The following PCDHGA10 variants were observed in gnomAD, a reference collection of about 807,000 sequenced individuals.
PCDHGA10 encodes protocadherin gamma-A10.
Under a neutral mutation model 59.5 loss-of-function variants are expected in PCDHGA10, and 42 were observed. The observed-to-expected ratio is 0.71, with a 90% confidence interval of 0.55 to 0.91. The LOEUF is 0.91. Among genes scored for constraint, PCDHGA10 ranks in the 40% least tolerant of loss-of-function variants. The probability of loss-of-function intolerance (pLI) is 0.00; values close to 1 mark genes in which losing one functional copy is unlikely to be tolerated. For synonymous variants in PCDHGA10, 511 were observed against 517.2 expected (o/e 0.99, Z 0.16); for missense variants, 1,111 against 1,198.2 (o/e 0.93, Z 1.07).
chr5:141,456,026 T>A (rs2098840894), intron 1 of PCDHGA10, among the ~76,000 whole-genome samples: 1 of 151,690 alleles, frequency 6.6e-6, no homozygotes, highest in African/African-American at 2.4e-5. Context: ...GCCTCCCGAG[T>A]AGCTGGGACT....
At position 141,413,625 on chromosome 5, in the gene PCDHGA10, C is replaced by A. The variant is rs372855865; in HGVS notation, c.450C>A (p.Val150=). ...TAGACGTAAAAATTAATGAAAATGTCGCTGCGGGAATGCGTTTTCCTCTCC... is the reference window on the plus strand; with the variant it reads ...TAGACGTAAAAATTAATGAAAATGTAGCTGCGGGAATGCGTTTTCCTCTCC... The part of the protein sequence containing the change: ...ENLDVKINEN[V]AAGMRFPLPE... The change falls in exon 1 of 4, where the codon GTC becomes GTA. Residue 150 remains valine (V), a synonymous_variant. Transcript: ENST00000398610. 1.4e-5 allele frequency: 22 copies of A among 1,613,734 alleles called. No homozygotes were observed. Among genetic ancestry groups the A allele is most frequent in the Non-Finnish European group, 1.9e-5 (22 of 1,179,886 alleles).
chr5:141,444,594 T>C (rs2098442338), intron 1 of PCDHGA10, among the ~76,000 whole-genome samples: 1 of 152,244 alleles, frequency 6.6e-6, no homozygotes, highest in South Asian at 2.1e-4. Flanking sequence ...ACTTACCTTA[T>C]TTAAAATTGA....
At chr5:141,458,130 C>A (rs1441742986) in intron 1 of PCDHGA10, among the ~76,000 whole-genome samples, 2 of 152,248 alleles carry the variant, frequency 1.3e-5, no homozygotes, top group African/African-American at 4.8e-5. Flanking sequence ...AGGAACCAGG[C>A]AGAGAAAAAT....
chr5:141,491,479 C>T lies in PCDHGA10; in HGVS notation c.2437-3328C>T. On this transcript the variant is annotated intron_variant, in intron 1 of 3. Transcript: ENST00000398610. The surrounding 1 kb of genome is among the most constrained non-coding windows in gnomAD (Gnocchi z 6.9). ...CCCGGACTTCTATAAGCAGTCCAGCCCCAACCTGCAGGTGAGCTCGGACGG... is the reference window on the plus strand; with the variant it reads ...CCCGGACTTCTATAAGCAGTCCAGCTCCAACCTGCAGGTGAGCTCGGACGG... 1 of 1,614,144 alleles carries T rather than the reference C, an allele frequency of 6.2e-7. No homozygotes were observed. Among genetic ancestry groups the T allele is most frequent in the Non-Finnish European group, 8.5e-7 (1 of 1,180,024 alleles).
chr5:141,421,307 T>C, intron 1 of PCDHGA10: 10 of 1,613,674 alleles, frequency 6.2e-6, no homozygotes, highest in Non-Finnish European at 8.5e-6. Context: ...CTGCGGGGGT[T>C]CCGGGCCAGG....
At chr5:141,427,896 C>T in intron 1 of PCDHGA10, 2 of 1,570,508 alleles carry the variant, frequency 1.3e-6, no homozygotes, top group Non-Finnish European at 1.7e-6. Context: ...CCAGGGCTCG[C>T]CCGCGCTCAG....
In PCDHGA10 at chr5:141,487,414, T is replaced by C; in HGVS notation, c.2437-7393T>C. On this transcript the variant is annotated intron_variant, in intron 1 of 3. Coordinates refer to ENST00000398610, the MANE Select transcript of PCDHGA10 (RefSeq NM_018913.3). This position sits in a 1 kb window ranked among gnomAD's most constrained non-coding sequence, Gnocchi z 5.0. The stretch of plus-strand genomic sequence containing the variant: ...GGAGGGAGGGGCTTCCCCCTTCCAA[T>C]GGGATCCTCCGAATCCAGCTAGGGT... 3.7e-6 allele frequency: 6 copies of C among 1,614,174 alleles called. No individual in the cohort carries two copies. The highest frequency in any genetic ancestry group is 5.1e-6 in the Non-Finnish European group (6 of 1,180,006).
intron 1 of PCDHGA10, chr5:141,426,874 C>T: frequency 2.2e-6 from 1 of 456,654 alleles, no homozygotes; most frequent in Non-Finnish European, 4.4e-6. Context: ...CTGGAGAAGC[C>T]CCTGGGCCAG....
intron 1 of PCDHGA10, among the ~76,000 whole-genome samples, chr5:141,451,062 T>C (rs1292296274): frequency 1.3e-5 from 2 of 151,500 alleles, no homozygotes; most frequent in Non-Finnish European, 2.9e-5. Flanking sequence ...ACTCCTGACC[T>C]TGTGATCCAC....
Position 141,487,650 on chromosome 5 carries a change from G to T in PCDHGA10, c.2437-7157G>T, listed in dbSNP as rs772715932. The T allele has an allele frequency of 6.8e-6, 11 of 1,613,876 alleles. No individual in the cohort carries two copies. Among genetic ancestry groups the T allele is most frequent in the Admixed American group, 1.7e-5 (1 of 59,978 alleles). On this transcript the variant is annotated intron_variant, in intron 1 of 3. Coordinates refer to ENST00000398610, the MANE Select transcript of PCDHGA10 (RefSeq NM_018913.3). This position sits in a 1 kb window ranked among gnomAD's most constrained non-coding sequence, Gnocchi z 5.0. ...TTGCAGGCTCAACAAATGCTTGAGG[G>T]TTATTCTGATCCAGGCATATGGCTA...
chr5:141,441,836 C>T (rs1026890754), intron 1 of PCDHGA10: 2 of 354,006 alleles, frequency 5.6e-6, no homozygotes, highest in Non-Finnish European at 1.1e-5. Flanking sequence ...AATGGCTTCG[C>T]GCTCTTGGAT....
chr5:141,460,026 C>T (rs565259315), intron 1 of PCDHGA10, among the ~76,000 whole-genome samples: 36 of 152,090 alleles, frequency 2.4e-4, no homozygotes, highest in Non-Finnish European at 3.2e-4. Flanking sequence ...TGCAGTGAGC[C>T]GAGACTGCAC....
Position 141,432,147 on chromosome 5 carries a change from A to G in PCDHGA10, c.2436+16536A>G. 6.2e-7 allele frequency: 1 copy of G among 1,614,066 alleles called. No individual in the cohort carries two copies. The highest frequency in any genetic ancestry group is 8.5e-7 in the Non-Finnish European group (1 of 1,179,998). ...GCCTCCTATTCCGCTTATATCCCAG[A>G]GAACAATCCCAGAGGAGTTTCCCTC... On this transcript the variant is annotated intron_variant, in intron 1 of 3. Transcript: ENST00000398610. The surrounding 1 kb of genome is among the most constrained non-coding windows in gnomAD (Gnocchi z 6.0).
chr5:141,413,530 A>G lies in PCDHGA10; in HGVS notation c.355A>G (p.Lys119Glu), dbSNP rs879218343. 1 of 1,613,954 alleles carries G rather than the reference A, an allele frequency of 6.2e-7. No homozygotes were observed. The highest frequency in any genetic ancestry group is 8.5e-7 in the Non-Finnish European group (1 of 1,179,902). Residue 119 changes from lysine (K) to glutamate (E), a missense_variant, in exon 1 of 4, where the codon AAA becomes GAA. Coordinates refer to ENST00000398610, the MANE Select transcript of PCDHGA10 (RefSeq NM_018913.3). Reference protein sequence around the residue: ...SFNILVEDRVKLFGIEIEVTD... With the variant: ...SFNILVEDRVELFGIEIEVTD... ...TAATATCCTTGTGGAAGACAGGGTG[A>G]AACTTTTTGGGATAGAAATAGAAGT...
In PCDHGA10 at chr5:141,489,750, C is replaced by T. The variant is rs753217170; in HGVS notation, c.2437-5057C>T. On this transcript the variant is annotated intron_variant, in intron 1 of 3. Coordinates refer to ENST00000398610, the MANE Select transcript of PCDHGA10 (RefSeq NM_018913.3). The surrounding 1 kb of genome is among the most constrained non-coding windows in gnomAD (Gnocchi z 4.5). ...TGGGCACCAATACTGTGAGCTTTTA[C>T]ACTCTAAGCCCCAACAGCCACTTCT... 1.2e-6 allele frequency: 2 copies of T among 1,614,098 alleles called. No homozygotes were observed. Among genetic ancestry groups the T allele is most frequent in the Admixed American group, 3.3e-5 (2 of 60,022 alleles).
chr5:141,415,110 C>A lies in PCDHGA10; in HGVS notation c.1935C>A (p.Ser645Arg). Residue 645 changes from serine to arginine, a missense_variant, in exon 1 of 4, where the codon AGC becomes AGA. Ser to Arg is a moderately radical substitution (Grantham distance 110). Transcript: ENST00000398610. ...TGGACAGAGACGCGCTCAAGCAAAG[C>A]CTCGTAGTGGCCGTCCAGGACCACG... is the stretch of plus-strand genomic sequence containing the variant. The part of the protein sequence containing the change: ...ALLDRDALKQ[S>R]LVVAVQDHGQ... 6.2e-7 allele frequency: 1 copy of A among 1,613,666 alleles called. No individual in the cohort carries two copies. The highest frequency in any genetic ancestry group is 1.7e-4 in the Middle Eastern group (1 of 6,058).
intron 1 of PCDHGA10, chr5:141,478,260 T>C (rs1340624663): frequency 6.2e-7 from 1 of 1,614,182 alleles, no homozygotes; most frequent in East Asian, 2.2e-5. Context: ...GTAATCATAT[T>C]CAAAGTTTAC....
At chr5:141,435,800 A>G (rs530461064) in intron 1 of PCDHGA10, among the ~76,000 whole-genome samples, 20 of 152,128 alleles carry the variant, frequency 1.3e-4, no homozygotes, top group Non-Finnish European at 2.6e-4. Flanking sequence ...ATAACGTCCC[A>G]ATTATTTTTT....
chr5:141,476,455 G>C lies in PCDHGA10; in HGVS notation c.2437-18352G>C, dbSNP rs572682842. On this transcript the variant is annotated intron_variant, in intron 1 of 3. Transcript: ENST00000398610. The surrounding 1 kb of genome is among the most constrained non-coding windows in gnomAD (Gnocchi z 7.6). ...CTGTAACTCTGGAGTTGGTAGTGGA[G>C]AACCCGCTGGAGCTGTTCAGCGTGG... 22 of 1,614,152 alleles carry C rather than the reference G, an allele frequency of 1.4e-5. No homozygotes were observed. In the South Asian group the frequency reaches 2.4e-4, roughly 18 times the overall value.
Sources: gnomAD v4.1 joint callset for allele counts (sites outside exome capture counted in the v4.1 genomes callset) on GRCh38, gnomAD v4.1.1 for gene constraint, Gnocchi (gnomAD v3.1) non-coding constraint, MANE v1.5 for transcripts, NCBI Gene and HGNC (gene_info 2026-07-23, HGNC 2026-07-21) for gene names.